The following CFAP47 variants were observed in gnomAD, a reference collection of about 807,000 sequenced individuals.
CFAP47 encodes the protein cilia and flagella associated protein 47, also known as cilia- and flagella-associated protein 47.
Under a neutral mutation model 148.1 loss-of-function variants are expected in CFAP47, and 29 were observed. The observed-to-expected ratio is 0.20, with a 90% confidence interval of 0.15 to 0.27. The LOEUF is 0.27. Among genes scored for constraint, CFAP47 ranks in the 10% least tolerant of loss-of-function variants. The pLI is 1.00. For missense variants in CFAP47, 1,872 were observed against 1,697.5 expected, an observed-to-expected ratio of 1.10 and a Z score of -1.81; for synonymous variants, 664 against 577.3, an observed-to-expected ratio of 1.15 and a Z score of -2.15.
intron 56 of CFAP47, among the ~76,000 whole-genome samples, chrX:36,313,772 T>C (rs1318846498): frequency 9.1e-6 from 1 of 110,437 alleles, no homozygotes; most frequent in African/African-American, 3.3e-5. Flanking sequence ...TTCCTCATTT[T>C]TCTCTCTCTC....
intron 35 of CFAP47, chrX:36,144,920 G>A: frequency 2.3e-6 from 2 of 873,261 alleles, no homozygotes; most frequent in Non-Finnish European, 3.0e-6. Flanking sequence ...TGGTTTGGGG[G>A]ATTTGGGACT....
intron 39 of CFAP47, among the ~76,000 whole-genome samples, chrX:36,167,023 C>G (rs1281788738): frequency 9.0e-6 from 1 of 111,388 alleles, no homozygotes; most frequent in Admixed American, 9.5e-5. Context: ...CTTCAGACCT[C>G]TTTGAAAAAA....
chrX:36,073,410 A>G (rs1937792792), intron 29 of CFAP47, 46 bp downstream of exon 29: 1 of 801,692 alleles, frequency 1.2e-6, no homozygotes, highest in Non-Finnish European at 1.8e-6. Flanking sequence ...ATATCACATC[A>G]TAAAATATAA....
intron 37 of CFAP47, among the ~76,000 whole-genome samples, chrX:36,156,151 T>C (rs1939363939): frequency 9.0e-6 from 1 of 111,032 alleles, no homozygotes; most frequent in Non-Finnish European, 1.9e-5. Flanking sequence ...CTCTCTTTAG[T>C]TAGGCTAAAT....
intron 16 of CFAP47, 80 bp downstream of exon 16, chrX:35,989,529 A>G: frequency 1.7e-6 from 2 of 1,204,841 alleles, no homozygotes; most frequent in Non-Finnish European, 2.2e-6. Flanking sequence ...ATAGTTACCT[A>G]TATCTAGAAT....
At chrX:36,093,186 C>G (rs1938215605) in intron 30 of CFAP47, among the ~76,000 whole-genome samples, 1 of 111,403 alleles carries the variant, frequency 9.0e-6, no homozygotes, top group South Asian at 3.7e-4. Flanking sequence ...GCTTCCAAAT[C>G]TTGGCTATTG....
intron 51 of CFAP47, among the ~76,000 whole-genome samples, chrX:36,289,675 A>G (rs931193104): frequency 4.9e-4 from 55 of 112,116 alleles, no homozygotes; most frequent in Non-Finnish European, 1.3e-4. Flanking sequence ...CAAAAGATAT[A>G]ATGTTCTTCC....
At chrX:36,346,223 GTGTGTT>G in intron 57 of CFAP47, among the ~76,000 whole-genome samples, 1 of 110,685 alleles carries the variant, frequency 9.0e-6, no homozygotes, top group East Asian at 2.8e-4. Flanking sequence ...GTGTGTGTGT[GTGTGTT>G]TTTTTTTAAA....
intron 15 of CFAP47, among the ~76,000 whole-genome samples, chrX:35,982,564 G>A (rs140003165): frequency 0.011 from 1,198 of 110,865 alleles, 16 homozygotes; most frequent in African/African-American, 0.038. Flanking sequence ...TATTTCTTAG[G>A]TTATTTTCCA....
chrX:36,011,143 T>C (rs1937034783), intron 21 of CFAP47, among the ~76,000 whole-genome samples: 1 of 112,084 alleles, frequency 8.9e-6, no homozygotes, highest in African/African-American at 3.2e-5. Context: ...GTCTGTTCCT[T>C]TAGCTGGTGT....
intron 62 of CFAP47, among the ~76,000 whole-genome samples, chrX:36,377,103 T>C (rs1454865350): frequency 9.0e-6 from 1 of 111,521 alleles, no homozygotes; most frequent in African/African-American, 3.3e-5. Context: ...TGTGTCCTTA[T>C]AGCAGCATGA....
intron 13 of CFAP47, among the ~76,000 whole-genome samples, chrX:35,973,033 C>T (rs1048577987): frequency 2.8e-4 from 31 of 111,840 alleles, no homozygotes; most frequent in Non-Finnish European, 5.6e-5. Context: ...TATAGACCTA[C>T]TAGTGAGTAT....
intron 46 of CFAP47, among the ~76,000 whole-genome samples, chrX:36,231,043 G>A (rs1311987602): frequency 1.9e-5 from 2 of 107,616 alleles, no homozygotes; most frequent in African/African-American, 7.1e-5. Context: ...GTCAGGTAGT[G>A]TGATGCCTCC....
At chrX:36,015,014 G>A (rs748821917) in intron 22 of CFAP47, 102 bp downstream of exon 22, 9 of 261,091 alleles carry the variant, frequency 3.4e-5, no homozygotes, top group African/African-American at 2.3e-4. Context: ...TTTCATAAAT[G>A]GAAATATTAG....
chrX:36,220,250 T>C (rs782442360), intron 45 of CFAP47, among the ~76,000 whole-genome samples: 2 of 111,164 alleles, frequency 1.8e-5, no homozygotes, highest in African/African-American at 6.5e-5. Context: ...GTAAATGAAT[T>C]TCCTGTTTAG....
At chrX:35,981,637 A>C (rs998386692) in intron 15 of CFAP47, among the ~76,000 whole-genome samples, 1 of 111,392 alleles carries the variant, frequency 9.0e-6, no homozygotes, top group Non-Finnish European at 1.9e-5. Context: ...TAATAAGTGT[A>C]GTACCCAACA....
intron 1 of CFAP47, among the ~76,000 whole-genome samples, chrX:35,924,099 A>G (rs746832671): frequency 4.0e-5 from 4 of 100,663 alleles, no homozygotes; most frequent in African/African-American, 1.2e-4. Flanking sequence ...GCGTACATAT[A>G]TGTATATATG....
chrX:36,341,730 A>G (rs1194969103), intron 57 of CFAP47, among the ~76,000 whole-genome samples: 1 of 110,952 alleles, frequency 9.0e-6, no homozygotes, highest in African/African-American at 3.3e-5. Context: ...TTTTAAAAGC[A>G]AAGCACAAAT....
intron 3 of CFAP47, among the ~76,000 whole-genome samples, chrX:35,943,825 T>C (rs1288043816): frequency 9.0e-6 from 1 of 111,385 alleles, no homozygotes; most frequent in East Asian, 2.8e-4. Context: ...TTTTTTAAAA[T>C]TTTTGTGGGC....
Sources: gnomAD v4.1 joint callset for allele counts (sites outside exome capture counted in the v4.1 genomes callset) on GRCh38, gnomAD v4.1.1 for gene constraint, MANE v1.5 for transcripts, NCBI Gene and HGNC (gene_info 2026-07-23, HGNC 2026-07-21) for gene names.